The following NFE2L2 variants were observed in gnomAD, a reference collection of about 807,000 sequenced individuals.
NFE2L2 encodes nuclear factor erythroid 2-related factor 2.
NFE2L2 carries 20 observed loss-of-function variants against 49.6 expected under a neutral mutation model. That is an observed-to-expected ratio of 0.40 (90% CI 0.28 to 0.59). The LOEUF (loss-of-function observed/expected upper bound fraction) is 0.59. Ranked by LOEUF, NFE2L2 falls within the 20% of genes least tolerant of loss-of-function variation. The pLI, the probability that NFE2L2 is intolerant of heterozygous loss-of-function variation, is 0.40. For synonymous variants in NFE2L2, 244 were observed against 256.5 expected, an observed-to-expected ratio of 0.95 and a Z score of 0.47; for missense variants, 578 against 714.2, an observed-to-expected ratio of 0.81 and a Z score of 2.17.
At chr2:177,242,910 G>GTT (rs200970759) in intron 1 of NFE2L2, among the ~76,000 whole-genome samples, 234 of 142,572 alleles carry the variant, frequency 1.6e-3, no homozygotes, top group African/African-American at 5.1e-3. Context: ...TTTTTTTTTT[G>GTT]TTTTTTTTTT....
intron 1 of NFE2L2, chr2:177,263,673 G>T: frequency 1.0e-6 from 1 of 985,480 alleles, no homozygotes; most frequent in Non-Finnish European, 1.2e-6. Flanking sequence ...CACCGCGTCC[G>T]AACTAGAAGC....
intron 2 of NFE2L2, 123 bp downstream of exon 2, chr2:177,233,882 G>T: frequency 7.6e-7 from 1 of 1,323,938 alleles, no homozygotes; most frequent in Non-Finnish European, 1.0e-6. Flanking sequence ...AGGTTGGAAA[G>T]TAGATTTGAC....
At chr2:177,239,007 T>C (rs1316309432) in intron 1 of NFE2L2, among the ~76,000 whole-genome samples, 1 of 152,172 alleles carries the variant, frequency 6.6e-6, no homozygotes, top group African/African-American at 2.4e-5. Flanking sequence ...CACACACACA[T>C]TCAATTGCCA....
At chr2:177,237,038 T>C (rs998908985) in intron 1 of NFE2L2, among the ~76,000 whole-genome samples, 1 of 152,080 alleles carries the variant, frequency 6.6e-6, no homozygotes, top group African/African-American at 2.4e-5. Flanking sequence ...CTAATTACTT[T>C]TTGTAGAGAT....
intron 3 of NFE2L2, chr2:177,232,925 C>A: frequency 2.1e-6 from 1 of 477,796 alleles, no homozygotes. Flanking sequence ...TATTGCCCAG[C>A]TGGCTCTTTA....
At position 177,230,891 on chromosome 2, in the gene NFE2L2, T is replaced by A; in HGVS notation, c.1712A>T (p.Glu571Val). 1 of 1,614,074 alleles carries A rather than the reference T, an allele frequency of 6.2e-7. No individual in the cohort carries two copies. Among genetic ancestry groups the A allele is most frequent in the Non-Finnish European group, 8.5e-7 (1 of 1,179,986 alleles). Reference sequence around the variant, plus strand: ...ACTAGGAGAATAAGGTTTTCCATCTTCATCACGTAGCATGCTGAAAACTTC... The same window carrying A: ...ACTAGGAGAATAAGGTTTTCCATCTACATCACGTAGCATGCTGAAAACTTC... ...YLEVFSMLRD[E>V]DGKPYSPSEY... The change falls in exon 5 of 5, where the codon GAA becomes GTA. Residue 571 changes from glutamate (E) to valine (V), a missense_variant. By Grantham distance (121) the Glu-to-Val change is moderately radical. This residue lies in a region of NFE2L2 where 117 missense variants were observed against 175.8 expected (regional missense o/e 0.67). Transcript: ENST00000397062.
At chr2:177,264,503 C>A (rs1690865961) in intron 1 of NFE2L2, 29 bp downstream of exon 1, 1 of 1,520,438 alleles carries the variant, frequency 6.6e-7, no homozygotes, top group African/African-American at 1.4e-5. Flanking sequence ...CCCGGCACCA[C>A]CGCAGGGCCC....
chr2:177,243,670 GTTAA>G (rs1330005516), intron 1 of NFE2L2, among the ~76,000 whole-genome samples: 2 of 152,038 alleles, frequency 1.3e-5, no homozygotes, highest in African/African-American at 4.8e-5. Context: ...ACCATGCCTG[GTTAA>G]TTTTTATTTT....
intron 1 of NFE2L2, among the ~76,000 whole-genome samples, chr2:177,252,555 T>C (rs531451491): frequency 1.5e-4 from 23 of 152,320 alleles, no homozygotes; most frequent in Non-Finnish European, 1.6e-4. Context: ...AGAAACTCTC[T>C]CTGTGCCACC....
chr2:177,241,420 T>G (rs1689933736), intron 1 of NFE2L2, among the ~76,000 whole-genome samples: 1 of 152,220 alleles, frequency 6.6e-6, no homozygotes, highest in African/African-American at 2.4e-5. Context: ...TTCAATGTTT[T>G]TTTCCATAGA....
rs748696421 is a variant in NFE2L2 at position 177,234,217 on chromosome 2, G to A, written c.100C>T (p.Arg34Ter). The change falls in exon 2 of 5, where the codon CGA (arginine) becomes TGA (stop). Residue 34 changes from arginine to a stop codon, truncating the protein, a stop_gained. Transcript: ENST00000397062. LOFTEE classifies it high-confidence loss of function. Reference sequence around the variant, plus strand: ...CGCTGACTGAAGTCAAATACTTCTCGACTTACTCCAAGATCTATATCTTGC... The same window carrying A: ...CGCTGACTGAAGTCAAATACTTCTCAACTTACTCCAAGATCTATATCTTGC... ...WRQDIDLGVS[R>*]EVFDFSQRRK... 3 of 1,613,718 alleles carry A rather than the reference G, an allele frequency of 1.9e-6. No individual in the cohort carries two copies. Among genetic ancestry groups the A allele is most frequent in the African/African-American group, 1.3e-5 (1 of 74,936 alleles).
intron 1 of NFE2L2, among the ~76,000 whole-genome samples, chr2:177,253,021 T>C (rs1249254768): frequency 2.0e-5 from 3 of 152,228 alleles, no homozygotes; most frequent in African/African-American, 7.2e-5. Flanking sequence ...ACATGAGCAC[T>C]GAAGGCCCTC....
chr2:177,246,406 A>C (rs1041597799), intron 1 of NFE2L2, among the ~76,000 whole-genome samples: 2 of 152,216 alleles, frequency 1.3e-5, no homozygotes, highest in African/African-American at 4.8e-5. Flanking sequence ...ACATGGTATA[A>C]GATTTAAAAG....
rs1485970982 is a variant in NFE2L2 at position 177,264,553 on chromosome 2, C to T, written c.24G>A (p.Pro8=). MMDLELP[P]PGLPSQQDMD... ...GCACCTGCTGGGACGGGAGTCCCGG[C>T]GGCGGCAGCTCCAAGTCCATCATGA... is the stretch of plus-strand genomic sequence containing the variant. The change falls in exon 1 of 5, where the codon CCG becomes CCA. Residue 8 remains proline (P), a synonymous_variant. Coordinates refer to ENST00000397062, the MANE Select transcript of NFE2L2 (RefSeq NM_006164.5). 1 of 1,519,450 alleles carries T rather than the reference C, an allele frequency of 6.6e-7. No individual in the cohort carries two copies. Among genetic ancestry groups the T allele is most frequent in the East Asian group, 2.7e-5 (1 of 36,752 alleles). 94.1% of individuals were successfully genotyped at this position (1,519,450 alleles called of 1,614,324 possible).
intron 1 of NFE2L2, among the ~76,000 whole-genome samples, chr2:177,250,600 T>C (rs1690301345): frequency 6.6e-6 from 1 of 152,206 alleles, no homozygotes; most frequent in African/African-American, 2.4e-5. Flanking sequence ...TCATTACCAT[T>C]TTGGAGTAAG....
intron 1 of NFE2L2, among the ~76,000 whole-genome samples, chr2:177,247,457 C>T (rs1464995668): frequency 6.6e-6 from 1 of 152,028 alleles, no homozygotes; most frequent in Non-Finnish European, 1.5e-5. Flanking sequence ...GTCAGGAGTT[C>T]AAGACCAGCC....
chr2:177,243,867 T>G (rs1292316493), intron 1 of NFE2L2, among the ~76,000 whole-genome samples: 1 of 152,124 alleles, frequency 6.6e-6, no homozygotes, highest in Non-Finnish European at 1.5e-5. Flanking sequence ...TAGTCAGTCA[T>G]CCAGGCTTGG....
At chr2:177,260,496 T>G (rs2105496284) in intron 1 of NFE2L2, among the ~76,000 whole-genome samples, 1 of 152,348 alleles carries the variant, frequency 6.6e-6, no homozygotes, top group East Asian at 1.9e-4. Context: ...CCAAGTAAGC[T>G]TCAACTAGAT....
rs935292923 is a variant in NFE2L2 at position 177,242,975 on chromosome 2, G to A, written c.46-8704C>T. ...GCTAGGCTTCAAAGGACTTATGTAA[G>A]GGTTTCACTACTTTGCTGAGAGAAT... On this transcript the variant is annotated intron_variant, in intron 1 of 4. Coordinates refer to ENST00000397062, the MANE Select transcript of NFE2L2 (RefSeq NM_006164.5). Among the ~76,000 whole-genome samples, 4 of 151,554 alleles carry A rather than the reference G, an allele frequency of 2.6e-5. No individual in the cohort carries two copies. The East Asian group carries it at 7.8e-4, about 29-fold the overall frequency.
Sources: allele counts gnomAD v4.1 joint callset (sites outside exome capture counted in the v4.1 genomes callset), GRCh38; gene constraint gnomAD v4.1.1; regional missense constraint gnomAD v4.1.1; transcripts MANE v1.5; gene names NCBI Gene and HGNC (gene_info 2026-07-23, HGNC 2026-07-21).